Variants in CHODL observed in about 807,000 individuals in gnomAD.
The protein encoded by CHODL is transmembrane protein MT75.
CHODL carries 29 observed loss-of-function variants against 34.5 expected under a neutral mutation model. That is an observed-to-expected ratio of 0.84 (90% CI 0.63 to 1.15). CHODL has a LOEUF of 1.15. Ranked by LOEUF, CHODL falls within the 50% of genes most tolerant of loss-of-function variation. The probability of loss-of-function intolerance (pLI) is 0.00; values close to 1 mark genes in which losing one functional copy is unlikely to be tolerated. For synonymous variants in CHODL, 125 were observed against 116.1 expected, an observed-to-expected ratio of 1.08 and a Z score of -0.49; for missense variants, 332 against 332.5, an observed-to-expected ratio of 1.00 and a Z score of 0.01.
intron 2 of CHODL, among the ~76,000 whole-genome samples, chr21:18,028,698 TAAAAAAAAAAAA>T (rs34588468): frequency 2.3e-5 from 2 of 85,248 alleles, no homozygotes; most frequent in Non-Finnish European, 4.4e-5. Flanking sequence ...AAACTCCATC[TAAAAAAAAAAAA>T]AAAAAAAAAA....
chr21:17,965,398 A>T (rs764378413), intron 1 of CHODL, among the ~76,000 whole-genome samples: 21 of 151,902 alleles, frequency 1.4e-4, no homozygotes, highest in African/African-American at 4.1e-4. Flanking sequence ...ATATTTTTCT[A>T]TTTCACCATT....
At chr21:18,150,893 G>T (rs1429328893) in intron 2 of CHODL, among the ~76,000 whole-genome samples, 2 of 151,946 alleles carry the variant, frequency 1.3e-5, no homozygotes, top group Middle Eastern at 3.4e-3. Context: ...AGACCAGCCT[G>T]GCCAAGATGG....
rs571115164 is a variant in CHODL at position 18,156,182 on chromosome 21, AAAAGATACTCTT to A, written c.-44-100322_-44-100311del. On this transcript the variant is annotated intron_variant, in intron 2 of 6. Coordinates refer to the CHODL transcript ENST00000400127. ...TTTCTGAAGAAATTTTGCACGGGTA[AAAAGATACTCTT>A]AAAGGCAACTTACGTTCAATCAATT... Among the ~76,000 whole-genome samples the A allele has an allele frequency of 4.6e-3, 705 of 152,334 alleles. 5 individuals are homozygous for A. The highest frequency in any genetic ancestry group is 8.0e-3 in the Non-Finnish European group (542 of 68,028).
At chr21:18,250,338 T>C (rs933381604) in intron 1 of CHODL, among the ~76,000 whole-genome samples, 11 of 152,208 alleles carry the variant, frequency 7.2e-5, no homozygotes, top group African/African-American at 2.4e-4. Flanking sequence ...AATAGTCTCA[T>C]GCTCTTCTCA....
chr21:18,177,931 T>C (rs1366124199), intron 2 of CHODL, among the ~76,000 whole-genome samples: 1 of 152,174 alleles, frequency 6.6e-6, no homozygotes, highest in Non-Finnish European at 1.5e-5. Flanking sequence ...GCTATTTACT[T>C]GGTCCAAATA....
At chr21:17,946,376 C>T (rs536897333) in intron 1 of CHODL, among the ~76,000 whole-genome samples, 1 of 152,096 alleles carries the variant, frequency 6.6e-6, no homozygotes. Context: ...GCCGAGATGG[C>T]GCCACTGCAC....
chr21:18,197,781 G>C (rs923391884), intron 2 of CHODL, among the ~76,000 whole-genome samples: 1 of 152,130 alleles, frequency 6.6e-6, no homozygotes, highest in Admixed American at 6.5e-5. Context: ...GAAAGCCCAG[G>C]AAATGATATA....
chr21:18,111,180 G>C (rs1023483784), intron 2 of CHODL, among the ~76,000 whole-genome samples: 1 of 152,138 alleles, frequency 6.6e-6, no homozygotes, highest in Admixed American at 6.5e-5. Context: ...AGATTCTTCA[G>C]AGTGACTAAT....
intron 2 of CHODL, among the ~76,000 whole-genome samples, chr21:18,236,825 T>C (rs1015496668): frequency 3.3e-5 from 5 of 152,134 alleles, no homozygotes; most frequent in African/African-American, 1.2e-4. Flanking sequence ...TATTAACAGA[T>C]AGATAAAATT....
chr21:18,195,030 TA>T (rs1286356058), intron 2 of CHODL, among the ~76,000 whole-genome samples: 1 of 42,986 alleles, frequency 2.3e-5, no homozygotes, highest in African/African-American at 7.6e-5. Context: ...TACAATACAT[TA>T]TTTATTTATT....
At chr21:18,102,000 C>T (rs1362633270) in intron 2 of CHODL, among the ~76,000 whole-genome samples, 1 of 152,022 alleles carries the variant, frequency 6.6e-6, no homozygotes, top group Admixed American at 6.6e-5. Context: ...CTGTTGATTA[C>T]TCAGGTCCAA....
intron 2 of CHODL, among the ~76,000 whole-genome samples, chr21:18,126,943 G>A (rs778645107): frequency 6.6e-5 from 10 of 152,256 alleles, no homozygotes. Context: ...ACACAACAAT[G>A]CCCTGTGCAG....
intron 2 of CHODL, among the ~76,000 whole-genome samples, chr21:18,122,845 TTCATTAA>T (rs1038900904): frequency 1.3e-5 from 2 of 152,210 alleles, no homozygotes; most frequent in African/African-American, 4.8e-5. Context: ...TTAAAGTGAT[TTCATTAA>T]TCATTTTATG....
intron 2 of CHODL, among the ~76,000 whole-genome samples, chr21:18,099,002 C>T (rs1201996071): frequency 6.6e-6 from 1 of 152,024 alleles, no homozygotes; most frequent in Non-Finnish European, 1.5e-5. Flanking sequence ...TATATTCTCA[C>T]ATATTTGTGG....
intron 2 of CHODL, among the ~76,000 whole-genome samples, chr21:18,060,852 C>CTG (rs1249282624): frequency 1.3e-5 from 2 of 151,970 alleles, no homozygotes; most frequent in African/African-American, 4.8e-5. Context: ...AGGGGTAAGT[C>CTG]TGTGAAAAGA....
At chr21:17,935,992 G>A (rs1435287580) in intron 1 of CHODL, among the ~76,000 whole-genome samples, 1 of 152,202 alleles carries the variant, frequency 6.6e-6, no homozygotes, top group Non-Finnish European at 1.5e-5. Flanking sequence ...TGTGAGCCTG[G>A]CAATTTTTTA....
intron 1 of CHODL, among the ~76,000 whole-genome samples, chr21:18,251,386 T>TTATTTTAATATATAAAATAAA (rs1568957244): frequency 8.7e-6 from 1 of 115,426 alleles, no homozygotes. Context: ...TGTATTTTAT[T>TTATTTTAATATATAAAATAAA]TGTTTTAATA....
chr21:18,126,869 G>C (rs139203370), intron 2 of CHODL, among the ~76,000 whole-genome samples: 1 of 152,236 alleles, frequency 6.6e-6, no homozygotes, highest in African/African-American at 2.4e-5. Flanking sequence ...ACTCCTAACA[G>C]AAATGACAAT....
At chr21:18,255,877 G>T (rs1224989758) in intron 1 of CHODL, among the ~76,000 whole-genome samples, 2 of 151,998 alleles carry the variant, frequency 1.3e-5, no homozygotes, top group African/African-American at 4.8e-5. Flanking sequence ...AATTGGTAAT[G>T]AGATTTTTTC....
Sources: allele counts gnomAD v4.1 joint callset (sites outside exome capture counted in the v4.1 genomes callset), GRCh38; gene constraint gnomAD v4.1.1; transcripts MANE v1.5; gene names NCBI Gene and HGNC (gene_info 2026-07-23, HGNC 2026-07-21).